ANO3: variants seen among roughly 807,000 people sequenced by gnomAD.
ANO3 encodes the protein anoctamin 3.
A neutral mutation model predicts 144.8 loss-of-function variants in ANO3; 99 were observed. That is an observed-to-expected ratio of 0.68 (90% CI 0.58 to 0.81). The LOEUF (loss-of-function observed/expected upper bound fraction) is 0.81, where lower values mean the gene tolerates loss of function less well. Among genes scored for constraint, ANO3 ranks in the 30% least tolerant of loss-of-function variants. The pLI, the probability that ANO3 is intolerant of heterozygous loss-of-function variation, is 0.00. For synonymous variants in ANO3, 414 were observed against 392.6 expected, an observed-to-expected ratio of 1.05 and a Z score of -0.64; for missense variants, 905 against 1,202.2, an observed-to-expected ratio of 0.75 and a Z score of 3.66.
chr11:26,189,085 A>T (rs1451184363), exon 1 of ANO3: 1 of 473,772 alleles, frequency 2.1e-6, no homozygotes, highest in Admixed American at 6.4e-5. Flanking sequence ...GTTATGACTG[A>T]TTAGAATACT....
chr11:26,589,502 A>G (rs1250331355), intron 14 of ANO3, among the ~76,000 whole-genome samples: 1 of 150,282 alleles, frequency 6.7e-6, no homozygotes, highest in East Asian at 2.0e-4. Flanking sequence ...TTTTTTGCAT[A>G]TTCACAGAGC....
chr11:26,425,947 C>T (rs1411269225), intron 1 of ANO3, among the ~76,000 whole-genome samples: 1 of 151,956 alleles, frequency 6.6e-6, no homozygotes, highest in African/African-American at 2.4e-5. Context: ...ATATATATTC[C>T]CTCTGTGCCT....
intron 1 of ANO3, among the ~76,000 whole-genome samples, chr11:26,399,381 T>G (rs998738866): frequency 2.0e-5 from 3 of 151,976 alleles, no homozygotes; most frequent in Admixed American, 2.0e-4. Context: ...GAGGCTTCAG[T>G]TGCCTTTCAA....
intron 1 of ANO3, among the ~76,000 whole-genome samples, chr11:26,204,465 A>T (rs1048176552): frequency 2.0e-5 from 3 of 152,110 alleles, no homozygotes; most frequent in African/African-American, 7.2e-5. Flanking sequence ...GTAGGCGTGG[A>T]TATCTATGCT....
At chr11:26,309,937 A>C (rs1854469803) in intron 1 of ANO3, among the ~76,000 whole-genome samples, 1 of 152,230 alleles carries the variant, frequency 6.6e-6, no homozygotes, top group Non-Finnish European at 1.5e-5. Flanking sequence ...ATAAAAACGC[A>C]TTTACTTATA....
At chr11:26,358,119 T>C (rs1455755423) in intron 1 of ANO3, among the ~76,000 whole-genome samples, 1 of 152,102 alleles carries the variant, frequency 6.6e-6, no homozygotes, top group Non-Finnish European at 1.5e-5. Context: ...TATTTTAATG[T>C]CTTTTTAGCT....
intron 1 of ANO3, among the ~76,000 whole-genome samples, chr11:26,286,982 A>G (rs1174918050): frequency 1.3e-5 from 2 of 152,214 alleles, no homozygotes; most frequent in African/African-American, 2.4e-5. Flanking sequence ...AAACTTAACA[A>G]AGTGTTATAA....
intron 1 of ANO3, among the ~76,000 whole-genome samples, chr11:26,421,455 C>T (rs1275882643): frequency 6.6e-6 from 1 of 151,874 alleles, no homozygotes; most frequent in Non-Finnish European, 1.5e-5. Context: ...CATAGCATCC[C>T]CAAGACACCA....
intron 21 of ANO3, among the ~76,000 whole-genome samples, chr11:26,640,299 C>A (rs1201224376): frequency 2.0e-5 from 3 of 152,130 alleles, no homozygotes; most frequent in Admixed American, 2.0e-4. Context: ...GCTTTTTAAA[C>A]CTTCATCATA....
chr11:26,339,986 C>T (rs1316475929), intron 1 of ANO3, among the ~76,000 whole-genome samples: 1 of 152,190 alleles, frequency 6.6e-6, no homozygotes, highest in Non-Finnish European at 1.5e-5. Context: ...TTCACCTCCT[C>T]ACTATAACCA....
chr11:26,398,371 T>C (rs1394879438), intron 1 of ANO3, among the ~76,000 whole-genome samples: 1 of 152,088 alleles, frequency 6.6e-6, no homozygotes, highest in African/African-American at 2.4e-5. Flanking sequence ...AGGTTACCTT[T>C]GGAAATGAAT....
chr11:26,588,319 T>C (rs1232249774), intron 14 of ANO3, among the ~76,000 whole-genome samples: 1 of 109,426 alleles, frequency 9.1e-6, no homozygotes, highest in Non-Finnish European at 1.9e-5. Flanking sequence ...TTTTGCATAC[T>C]CAATTTTTCT....
In ANO3 at chr11:26,547,461, A is replaced by T; in HGVS notation, c.1200A>T (p.Gly400=). ...TTGGACTATACTTTGCTTGGCTGGG[A>T]TGGTATACTGGAATGTTGATTCCTG... ...EKIGLYFAWL[G]WYTGMLIPAA... The change falls in exon 12 of 27, where the codon GGA becomes GGT. Residue 400 remains glycine (G), a synonymous_variant. Transcript: ENST00000256737. 6.2e-7 allele frequency: 1 copy of T among 1,611,948 alleles called. No individual in the cohort carries two copies. Among genetic ancestry groups the T allele is most frequent in the Non-Finnish European group, 8.5e-7 (1 of 1,178,542 alleles).
intron 1 of ANO3, among the ~76,000 whole-genome samples, chr11:26,252,547 G>A (rs1300268323): frequency 2.0e-5 from 3 of 152,082 alleles, no homozygotes; most frequent in Non-Finnish European, 4.4e-5. Context: ...TCCCTCTAGT[G>A]AATGATATTG....
chr11:26,394,570 CTTTTT>C (rs56118844), intron 1 of ANO3, among the ~76,000 whole-genome samples: 1 of 115,750 alleles, frequency 8.6e-6, no homozygotes, highest in Non-Finnish European at 1.8e-5. Context: ...ATTTCATTTT[CTTTTT>C]TTTTTTTTTT....
chr11:26,422,417 A>G (rs1177433349), intron 1 of ANO3, among the ~76,000 whole-genome samples: 2 of 152,066 alleles, frequency 1.3e-5, no homozygotes, highest in East Asian at 1.9e-4. Flanking sequence ...TTTAAAAGAT[A>G]TCTGTAATTA....
intron 4 of ANO3, among the ~76,000 whole-genome samples, chr11:26,499,361 A>G (rs1392151812): frequency 6.6e-6 from 1 of 151,776 alleles, no homozygotes; most frequent in East Asian, 1.9e-4. Context: ...AAAAGCAAAC[A>G]TAAATTTCCT....
chr11:26,530,098 G>A (rs893024685), intron 7 of ANO3, among the ~76,000 whole-genome samples: 2 of 152,182 alleles, frequency 1.3e-5, no homozygotes, highest in Non-Finnish European at 2.9e-5. Flanking sequence ...ATGCCCGTGA[G>A]AATCTTAAAA....
chr11:26,369,290 T>A (rs1368342069), intron 1 of ANO3, among the ~76,000 whole-genome samples: 1 of 152,140 alleles, frequency 6.6e-6, no homozygotes, highest in African/African-American at 2.4e-5. Context: ...TCTTTCAAAA[T>A]CAATGCCATC....
Sources: gnomAD v4.1 joint callset for allele counts (sites outside exome capture counted in the v4.1 genomes callset) on GRCh38, gnomAD v4.1.1 for gene constraint, MANE v1.5 for transcripts, NCBI Gene and HGNC (gene_info 2026-07-23, HGNC 2026-07-21) for gene names.